The following APBA2 variants were observed in gnomAD, a reference collection of about 807,000 sequenced individuals.
APBA2 encodes the protein amyloid-beta A4 precursor protein-binding family A member 2.
A neutral mutation model predicts 75.0 loss-of-function variants in APBA2; 30 were observed. That is an observed-to-expected ratio of 0.40 (90% CI 0.30 to 0.54). APBA2 has a LOEUF of 0.54. Among genes scored for constraint, APBA2 ranks in the 20% least tolerant of loss-of-function variants. APBA2 has a pLI of 0.49. For synonymous variants in APBA2, 444 were observed against 409.6 expected (o/e 1.08, Z -1.01); for missense variants, 801 against 1,016.1 (o/e 0.79, Z 2.88).
intron 3 of APBA2, among the ~76,000 whole-genome samples, chr15:29,022,182 G>C (rs1056909390): frequency 3.3e-5 from 5 of 152,150 alleles, no homozygotes; most frequent in Non-Finnish European, 5.9e-5. Flanking sequence ...GGATCATTCG[G>C]AAGTTCTATT....
chr15:28,890,739 G>A (rs1376020638), intron 1 of APBA2, among the ~76,000 whole-genome samples: 1 of 152,178 alleles, frequency 6.6e-6, no homozygotes, highest in Non-Finnish European at 1.5e-5. Context: ...ATACACGCAC[G>A]AGGCCTCTTG....
chr15:28,958,063 T>C (rs541221083), intron 2 of APBA2, among the ~76,000 whole-genome samples: 1 of 152,286 alleles, frequency 6.6e-6, no homozygotes, highest in Admixed American at 6.5e-5. Context: ...CACTGCCCAG[T>C]AGTATTTTCG....
intron 4 of APBA2, among the ~76,000 whole-genome samples, chr15:29,073,084 T>C (rs1484827849): frequency 6.6e-6 from 1 of 152,220 alleles, no homozygotes; most frequent in African/African-American, 2.4e-5. Flanking sequence ...ACGGCATATC[T>C]GCCCCCATCA....
intron 10 of APBA2, 94 bp from the exon 11 acceptor site, chr15:29,105,285 A>G: frequency 7.5e-7 from 1 of 1,325,846 alleles, no homozygotes; most frequent in South Asian, 1.2e-5. Context: ...TTATGGGTGC[A>G]TCCTGCACCC....
intron 6 of APBA2, among the ~76,000 whole-genome samples, chr15:29,080,507 T>A (rs1329867352): frequency 6.6e-6 from 1 of 152,088 alleles, no homozygotes; most frequent in African/African-American, 2.4e-5. Flanking sequence ...AATCACTGTC[T>A]GTGGAAAGTT....
chr15:28,990,506 A>C (rs1241582269), intron 2 of APBA2: 1 of 152,212 alleles, frequency 6.6e-6, no homozygotes, highest in African/African-American at 2.4e-5. Context: ...AAAAAGCGAT[A>C]AAGTCAGATA....
intron 2 of APBA2, among the ~76,000 whole-genome samples, chr15:28,967,023 A>G (rs994777718): frequency 2.6e-5 from 4 of 152,218 alleles, no homozygotes; most frequent in African/African-American, 9.6e-5. Flanking sequence ...AAAGAACCTC[A>G]TGAGGTGAAG....
rs2033804558 is a variant in APBA2 at position 28,918,631 on chromosome 15, G to GTGGGGGTGGGGC, written c.-204-2999_-204-2988dup. On this transcript the variant is annotated intron_variant, in intron 1 of 14. Transcript: ENST00000683413. This position sits in a 1 kb window ranked among gnomAD's most constrained non-coding sequence, Gnocchi z 4.2. Reference sequence around the variant, plus strand: ...GCGTGTGGGTGTGGTGGGGTTGGGGGTGGGGGTGGGGCTGGGGGTGGTTGC... The same window carrying GTGGGGGTGGGGC: ...GCGTGTGGGTGTGGTGGGGTTGGGGGTGGGGGTGGGGCTGGGGGTGGGGCTGGGGGTGGTTGC... Among the ~76,000 whole-genome samples, 2 of 151,472 alleles carry GTGGGGGTGGGGC rather than the reference G, an allele frequency of 1.3e-5. No individual in the cohort carries two copies. Among genetic ancestry groups the GTGGGGGTGGGGC allele is most frequent in the African/African-American group, 4.9e-5 (2 of 41,226 alleles).
chr15:28,992,564 C>T (rs1595672301), intron 2 of APBA2, among the ~76,000 whole-genome samples: 1 of 152,160 alleles, frequency 6.6e-6, no homozygotes, highest in Admixed American at 6.5e-5. Context: ...AAGCAAACCT[C>T]GTGCGTGGTG....
At chr15:29,066,756 GT>G (rs202074920) in intron 4 of APBA2, among the ~76,000 whole-genome samples, 2,197 of 152,208 alleles carry the variant, frequency 0.014, 28 homozygotes, top group Admixed American at 0.024. Flanking sequence ...AAAAGAAGAG[GT>G]TTTTCAGTGA....
At chr15:29,007,373 A>G (rs1183586356) in intron 3 of APBA2, among the ~76,000 whole-genome samples, 4 of 152,242 alleles carry the variant, frequency 2.6e-5, no homozygotes, top group Admixed American at 6.5e-5. Context: ...CAACAGGAAA[A>G]GATAGGTAAG....
In APBA2 at chr15:29,117,068, A is replaced by G. The variant is rs777562567; in HGVS notation, c.2185A>G (p.Met729Val). 19 of 1,613,184 alleles carry G rather than the reference A, an allele frequency of 1.2e-5. No individual in the cohort carries two copies. The South Asian group carries it at 2.1e-4, about 18-fold the overall frequency. ...CTCCTGTTTCTGTCCGCAGATCCACATGAAGACCATGCCCGCCGCCATGTT... is the reference window on the plus strand; with the variant it reads ...CTCCTGTTTCTGTCCGCAGATCCACGTGAAGACCATGCCCGCCGCCATGTT... ...ALSNSVGEIH[M>V]KTMPAAMFRL... Residue 729 changes from methionine (M) to valine (V), a missense_variant, in exon 15 of 15, where the codon ATG becomes GTG. By Grantham distance (21) the Met-to-Val change is conservative. Transcript: ENST00000683413.
intron 2 of APBA2, among the ~76,000 whole-genome samples, chr15:28,971,047 C>T (rs2037041426): frequency 6.6e-6 from 1 of 152,186 alleles, no homozygotes; most frequent in African/African-American, 2.4e-5. Context: ...GTAATCCGCA[C>T]GCCCATTTCA....
At chr15:29,090,661 G>T (rs1252954369) in intron 6 of APBA2, among the ~76,000 whole-genome samples, 1 of 152,182 alleles carries the variant, frequency 6.6e-6, no homozygotes, top group Non-Finnish European at 1.5e-5. Context: ...GGTACCTGGG[G>T]CGCCTGGAAG....
intron 1 of APBA2, chr15:28,895,471 G>A (rs1216065962): frequency 6.6e-6 from 1 of 152,320 alleles, no homozygotes; most frequent in Non-Finnish European, 1.5e-5. Context: ...CCTGTCCATG[G>A]CCTCGATGTG....
chr15:28,939,775 T>C (rs1285436005), intron 2 of APBA2, among the ~76,000 whole-genome samples: 2 of 152,128 alleles, frequency 1.3e-5, no homozygotes, highest in African/African-American at 4.8e-5. Context: ...AGTGCCCCTG[T>C]GGGTGCAGCA....
At chr15:28,966,990 T>C (rs1053647556) in intron 2 of APBA2, among the ~76,000 whole-genome samples, 11 of 152,220 alleles carry the variant, frequency 7.2e-5, no homozygotes, top group Admixed American at 6.5e-5. Context: ...ATAATAACTT[T>C]TGCTTCAACT....
intron 1 of APBA2, among the ~76,000 whole-genome samples, chr15:28,905,794 C>T (rs1396359111): frequency 6.6e-6 from 1 of 152,028 alleles, no homozygotes; most frequent in Non-Finnish European, 1.5e-5. Context: ...TGAGAAGGAC[C>T]CTGGCTCCAT....
intron 4 of APBA2, among the ~76,000 whole-genome samples, chr15:29,072,697 G>A (rs2042678576): frequency 6.6e-6 from 1 of 152,234 alleles, no homozygotes; most frequent in Admixed American, 6.5e-5. Context: ...TCGAAAAGCA[G>A]GGCAGTGTGC....
Sources: allele counts gnomAD v4.1 joint callset (sites outside exome capture counted in the v4.1 genomes callset), GRCh38; gene constraint gnomAD v4.1.1; non-coding constraint Gnocchi (gnomAD v3.1); transcripts MANE v1.5; gene names NCBI Gene and HGNC (gene_info 2026-07-23, HGNC 2026-07-21).